The following WIF1 variants were observed in gnomAD, a reference collection of about 807,000 sequenced individuals.
WIF1 encodes the protein Wnt inhibitory factor 1.
WIF1 carries 35 observed loss-of-function variants against 53.5 expected under a neutral mutation model. That is an observed-to-expected ratio of 0.65 (90% CI 0.50 to 0.87). The LOEUF (loss-of-function observed/expected upper bound fraction) is 0.87, where lower values mean the gene tolerates loss of function less well. Among genes scored for constraint, WIF1 ranks in the 40% least tolerant of loss-of-function variants. The pLI, the probability that WIF1 is intolerant of heterozygous loss-of-function variation, is 0.00. For synonymous variants in WIF1, 171 were observed against 170.4 expected (o/e 1.00, Z -0.03); for missense variants, 467 against 476.8 (o/e 0.98, Z 0.19).
intron 9 of WIF1, among the ~76,000 whole-genome samples, chr12:65,052,870 C>T (rs1882462159): frequency 6.6e-6 from 1 of 152,172 alleles, no homozygotes; most frequent in Non-Finnish European, 1.5e-5. Context: ...GGAAGAATGG[C>T]TGGGTGCATC....
At chr12:65,053,806 T>C (rs778811156) in intron 9 of WIF1, among the ~76,000 whole-genome samples, 1 of 151,576 alleles carries the variant, frequency 6.6e-6, no homozygotes, top group Non-Finnish European at 1.5e-5. Flanking sequence ...TAAGCAAAAC[T>C]TAGAAATTAG....
chr12:65,090,785 T>A (rs114556547), intron 2 of WIF1, among the ~76,000 whole-genome samples: 1,563 of 152,272 alleles, frequency 0.01, 35 homozygotes, highest in African/African-American at 0.035. Context: ...GGTGAAAATG[T>A]TGGCACATTG....
intron 2 of WIF1, among the ~76,000 whole-genome samples, chr12:65,106,018 T>C (rs572115870): frequency 7.5e-4 from 114 of 152,296 alleles, no homozygotes; most frequent in African/African-American, 2.6e-3. Flanking sequence ...TTAAGAAGCA[T>C]GGACAGATTG....
rs533595910 is a variant in WIF1, at chr12:65,093,550, TG to T, written c.289-15697del. Among the ~76,000 whole-genome samples, 36 of 152,300 alleles carry T rather than the reference TG, an allele frequency of 2.4e-4. No homozygotes were observed. In the South Asian group the frequency reaches 7.3e-3, roughly 31 times the overall value. ...TGTTCCTAGATGTATACCTATTTAATGGTAATCACTCTCTTCTGAAAGCACA... is the reference window on the plus strand; with the variant it reads ...TGTTCCTAGATGTATACCTATTTAATGTAATCACTCTCTTCTGAAAGCACA... On this transcript the variant is annotated intron_variant, in intron 2 of 9. Transcript: ENST00000286574.
chr12:65,071,815 T>C (rs1391643290), intron 3 of WIF1, among the ~76,000 whole-genome samples: 1 of 152,164 alleles, frequency 6.6e-6, no homozygotes, highest in Non-Finnish European at 1.5e-5. Flanking sequence ...AGTTTAGAAA[T>C]TAGGAGGTAC....
intron 4 of WIF1, among the ~76,000 whole-genome samples, chr12:65,067,998 C>T (rs1882714239): frequency 6.6e-6 from 1 of 152,108 alleles, no homozygotes; most frequent in Non-Finnish European, 1.5e-5. Context: ...TCCCTTATTT[C>T]CAACAGTAGG....
intron 2 of WIF1, 66 bp from the exon 3 acceptor site, chr12:65,077,920 CA>C: frequency 8.3e-7 from 1 of 1,210,426 alleles, no homozygotes; most frequent in Non-Finnish European, 1.2e-6. Context: ...CCACAGAATT[CA>C]TCGTCCATCT....
intron 2 of WIF1, among the ~76,000 whole-genome samples, chr12:65,089,633 A>G (rs924319655): frequency 6.6e-6 from 1 of 152,084 alleles, no homozygotes. Flanking sequence ...TCAAGCTTCA[A>G]GTTAACTTAG....
At chr12:65,117,066 A>C (rs1017183506) in intron 2 of WIF1, among the ~76,000 whole-genome samples, 3 of 152,010 alleles carry the variant, frequency 2.0e-5, no homozygotes, top group Non-Finnish European at 4.4e-5. Flanking sequence ...ATGGATGTCT[A>C]GAATATCCTT....
At chr12:65,106,327 T>C (rs186963917) in intron 2 of WIF1, among the ~76,000 whole-genome samples, 1 of 151,966 alleles carries the variant, frequency 6.6e-6, no homozygotes, top group East Asian at 1.9e-4. Flanking sequence ...AAAACAACTT[T>C]CTATGATTAA....
chr12:65,106,190 TA>T (rs1883348901), intron 2 of WIF1, among the ~76,000 whole-genome samples: 1 of 151,816 alleles, frequency 6.6e-6, no homozygotes, highest in Non-Finnish European at 1.5e-5. Context: ...GCATGAGCAG[TA>T]GAGGGGACAG....
intron 3 of WIF1, among the ~76,000 whole-genome samples, chr12:65,070,294 T>C (rs1236922377): frequency 6.6e-6 from 1 of 152,114 alleles, no homozygotes; most frequent in Non-Finnish European, 1.5e-5. Context: ...CAAATCATTA[T>C]GATGAAAAGG....
At chr12:65,113,241 A>T (rs570055441) in intron 2 of WIF1, among the ~76,000 whole-genome samples, 15 of 152,366 alleles carry the variant, frequency 9.8e-5, no homozygotes, top group Non-Finnish European at 1.9e-4. Flanking sequence ...CCTCTTCCAG[A>T]GGTCCGGCAA....
In WIF1 at chr12:65,075,014, T is replaced by C. The variant is rs115189841; in HGVS notation, c.397+2732A>G. Among the ~76,000 whole-genome samples, 696 of 152,118 alleles carry C rather than the reference T, an allele frequency of 4.6e-3. 6 individuals carry two copies. Among genetic ancestry groups the C allele is most frequent in the African/African-American group, 0.016 (658 of 41,496 alleles). On this transcript the variant is annotated intron_variant, in intron 3 of 9. Transcript: ENST00000286574. Reference sequence around the variant, plus strand: ...AATCAGCGTATCCACATCTCTAGAATAGATACTCACGTCCTTGGGGCTACA... The same window carrying C: ...AATCAGCGTATCCACATCTCTAGAACAGATACTCACGTCCTTGGGGCTACA...
chr12:65,070,784 A>G, intron 3 of WIF1, among the ~76,000 whole-genome samples: 1 of 152,166 alleles, frequency 6.6e-6, no homozygotes, highest in Non-Finnish European at 1.5e-5. Context: ...TTGGTATGGA[A>G]GAGAAGATGC....
intron 2 of WIF1, among the ~76,000 whole-genome samples, chr12:65,110,988 C>T (rs962658177): frequency 6.6e-6 from 1 of 152,118 alleles, no homozygotes; most frequent in African/African-American, 2.4e-5. Context: ...AGGGAGCAAG[C>T]CCTGCAGAAA....
chr12:65,070,241 A>G (rs1882752802), intron 3 of WIF1, among the ~76,000 whole-genome samples: 1 of 152,146 alleles, frequency 6.6e-6, no homozygotes, highest in African/African-American at 2.4e-5. Flanking sequence ...AATTACATGG[A>G]CTTCCATTTC....
intron 2 of WIF1, among the ~76,000 whole-genome samples, chr12:65,084,989 A>G (rs1883013528): frequency 6.6e-6 from 1 of 152,194 alleles, no homozygotes; most frequent in South Asian, 2.1e-4. Flanking sequence ...TAACTGTTTT[A>G]TGCTTGTTCT....
chr12:65,073,777 A>G (rs1378651657), intron 3 of WIF1, among the ~76,000 whole-genome samples: 1 of 152,220 alleles, frequency 6.6e-6, no homozygotes, highest in Non-Finnish European at 1.5e-5. Context: ...AATGAGGCTA[A>G]TGAGTAGCTG....
Sources: allele counts gnomAD v4.1 joint callset (sites outside exome capture counted in the v4.1 genomes callset), GRCh38; gene constraint gnomAD v4.1.1; transcripts MANE v1.5; gene names NCBI Gene and HGNC (gene_info 2026-07-23, HGNC 2026-07-21).